ALCAM: variants seen among roughly 807,000 people sequenced by gnomAD.
ALCAM encodes CD166 antigen.
Under a neutral mutation model 70.9 loss-of-function variants are expected in ALCAM, and 30 were observed. The ratio of observed to expected loss-of-function variants is 0.42; its 90% CI spans 0.32 to 0.57. The LOEUF is 0.57. Among genes scored for constraint, ALCAM ranks in the 20% least tolerant of loss-of-function variants. ALCAM has a pLI of 0.11. For synonymous variants in ALCAM, 249 were observed against 242.5 expected (o/e 1.03, Z -0.25); for missense variants, 591 against 695.1 (o/e 0.85, Z 1.68).
intron 1 of ALCAM, among the ~76,000 whole-genome samples, chr3:105,484,940 T>TC (rs1163599705): frequency 2.0e-5 from 3 of 152,046 alleles, no homozygotes; most frequent in African/African-American, 4.8e-5. Context: ...CTGGAAGAAT[T>TC]CTTTTTTTTT....
At chr3:105,411,271 G>A (rs1274364310) in intron 1 of ALCAM, among the ~76,000 whole-genome samples, 1 of 152,086 alleles carries the variant, frequency 6.6e-6, no homozygotes, top group Non-Finnish European at 1.5e-5. Flanking sequence ...ATTCAGAAGA[G>A]CTGGGAGTTA....
In ALCAM at chr3:105,576,805, G is replaced by A. The variant is rs930315022; in HGVS notation, c.*2354G>A. The A allele has an allele frequency of 6.6e-6, 1 of 152,088 alleles. No homozygotes were observed. Among genetic ancestry groups the A allele is most frequent in the Admixed American group, 6.6e-5 (1 of 15,260 alleles). The allele number at this position is 152,088 out of a possible 1,614,324, so 9.4% of individuals were successfully genotyped here. A position where few individuals can be genotyped will look rare whatever the true frequency, so the allele number is the denominator to read the frequency against. ...AGGAAACAGGTTTTGCAAGTTCAAGGTTCACTCCCTATATGTGATTATAGG... is the reference window on the plus strand; with the variant it reads ...AGGAAACAGGTTTTGCAAGTTCAAGATTCACTCCCTATATGTGATTATAGG... On this transcript the variant is annotated 3_prime_UTR_variant, in exon 16 of 16. Transcript: ENST00000306107.
At chr3:105,550,365 T>A (rs1940362024) in intron 12 of ALCAM, 106 bp downstream of exon 12, 1 of 1,142,652 alleles carries the variant, frequency 8.8e-7, no homozygotes, top group Admixed American at 3.1e-5. Context: ...ATGGTAAGTT[T>A]TATTTATTTA....
intron 1 of ALCAM, among the ~76,000 whole-genome samples, chr3:105,431,869 T>C (rs1936942007): frequency 6.6e-6 from 1 of 152,198 alleles, no homozygotes; most frequent in Admixed American, 6.5e-5. Context: ...CATTTAAAAG[T>C]ATGATAGTAA....
chr3:105,382,671 T>G (rs534097022), intron 1 of ALCAM, among the ~76,000 whole-genome samples: 2 of 152,220 alleles, frequency 1.3e-5, no homozygotes, highest in South Asian at 4.1e-4. Context: ...GGTTTTGATT[T>G]GCATTTCTCT....
chr3:105,367,338 G>C lies in ALCAM; in HGVS notation c.-71G>C, dbSNP rs1479566299. ...CGGGACCCGCCAGCGCGCGGGCACC[G>C]CGGGGCCCGGGACGACGCCCCCTCC... On this transcript the variant is annotated 5_prime_UTR_variant, in exon 1 of 16. Transcript: ENST00000306107. 1.9e-6 allele frequency: 3 copies of C among 1,550,722 alleles called. No homozygotes were observed. Among genetic ancestry groups the C allele is most frequent in the South Asian group, 1.1e-5 (1 of 88,448 alleles).
chr3:105,433,526 A>G (rs1008844760), intron 1 of ALCAM, among the ~76,000 whole-genome samples: 4 of 152,168 alleles, frequency 2.6e-5, no homozygotes, highest in Non-Finnish European at 5.9e-5. Context: ...ACTGGATTAT[A>G]GACAGTGCAT....
chr3:105,368,263 G>GAGAGAGAGAGAGAGAGAA lies in ALCAM; in HGVS notation c.73+783_73+784insGAGAGAGAGAGAGAGAAA, dbSNP rs1412428456. ...AGAGAGAGAGAGAGAGAGAGAGAGA[G>GAGAGAGAGAGAGAGAGAA]AAAAGGCAAAATTCCCAACAACTAA... is the stretch of plus-strand genomic sequence containing the variant. On this transcript the variant is annotated intron_variant, in intron 1 of 15. Coordinates refer to ENST00000306107, the MANE Select transcript of ALCAM (RefSeq NM_001627.4). Among the ~76,000 whole-genome samples the GAGAGAGAGAGAGAGAGAA allele has an allele frequency of 3.5e-5, 5 of 143,450 alleles. No individual in the cohort carries two copies. In the South Asian group the frequency reaches 1.1e-3, roughly 32 times the overall value. The allele number at this position is 143,450 out of a possible 152,430, so 94.1% of individuals were successfully genotyped here.
At chr3:105,527,735 T>G (rs1019733457) in intron 3 of ALCAM, among the ~76,000 whole-genome samples, 2 of 152,142 alleles carry the variant, frequency 1.3e-5, no homozygotes, top group Non-Finnish European at 2.9e-5. Flanking sequence ...GTGGTACATA[T>G]GGACCAGGTC....
At chr3:105,402,638 C>T (rs1936116624) in intron 1 of ALCAM, among the ~76,000 whole-genome samples, 1 of 152,084 alleles carries the variant, frequency 6.6e-6, no homozygotes. Context: ...CCTTGGAGAC[C>T]TGTATGACTC....
intron 1 of ALCAM, among the ~76,000 whole-genome samples, chr3:105,511,175 T>G (rs1285343727): frequency 6.6e-6 from 1 of 152,030 alleles, no homozygotes; most frequent in African/African-American, 2.4e-5. Context: ...AGTATGACTC[T>G]CTAAGTTCAT....
At chr3:105,414,626 T>G (rs185897667) in intron 1 of ALCAM, among the ~76,000 whole-genome samples, 13 of 152,220 alleles carry the variant, frequency 8.5e-5, no homozygotes, top group African/African-American at 2.9e-4. Flanking sequence ...TCAGAGCATG[T>G]TCAGGGTACT....
chr3:105,469,648 T>G (rs951087054), intron 1 of ALCAM, among the ~76,000 whole-genome samples: 2 of 151,236 alleles, frequency 1.3e-5, no homozygotes, highest in African/African-American at 4.8e-5. Flanking sequence ...TATATACATA[T>G]TTATTCCACA....
At chr3:105,393,149 C>G (rs1158212920) in intron 1 of ALCAM, among the ~76,000 whole-genome samples, 1 of 151,744 alleles carries the variant, frequency 6.6e-6, no homozygotes, top group Non-Finnish European at 1.5e-5. Context: ...AACCTACAAA[C>G]ATATTGAAAT....
At chr3:105,562,958 A>C (rs1940658510) in intron 14 of ALCAM, among the ~76,000 whole-genome samples, 1 of 152,092 alleles carries the variant, frequency 6.6e-6, no homozygotes, top group Non-Finnish European at 1.5e-5. Context: ...GGCATGCGCC[A>C]CCACGCCTGG....
intron 1 of ALCAM, among the ~76,000 whole-genome samples, chr3:105,393,030 T>C (rs1167061511): frequency 2.0e-5 from 3 of 151,906 alleles, no homozygotes; most frequent in Non-Finnish European, 4.4e-5. Context: ...TTAGGAATTT[T>C]GGTTATAGTT....
chr3:105,482,999 T>C (rs1467910618), intron 1 of ALCAM, among the ~76,000 whole-genome samples: 2 of 152,158 alleles, frequency 1.3e-5, no homozygotes. Flanking sequence ...ATTTCCCCCC[T>C]GATTCTCAAT....
intron 1 of ALCAM, among the ~76,000 whole-genome samples, chr3:105,413,575 C>T (rs981677275): frequency 2.6e-5 from 4 of 152,078 alleles, no homozygotes; most frequent in African/African-American, 7.2e-5. Context: ...AGTCACCTAG[C>T]CCATTTCTGA....
At chr3:105,388,857 T>G (rs1228838550) in intron 1 of ALCAM, among the ~76,000 whole-genome samples, 1 of 151,590 alleles carries the variant, frequency 6.6e-6, no homozygotes, top group African/African-American at 2.4e-5. Flanking sequence ...GATTTTACAA[T>G]CACGTTTTAG....
Sources: gnomAD v4.1 joint callset for allele counts (sites outside exome capture counted in the v4.1 genomes callset) on GRCh38, gnomAD v4.1.1 for gene constraint, MANE v1.5 for transcripts, NCBI Gene and HGNC (gene_info 2026-07-23, HGNC 2026-07-21) for gene names.